The following GPC5 variants were observed in gnomAD, a reference collection of about 807,000 sequenced individuals.
GPC5 encodes the protein glypican 5.
In GPC5, 47 loss-of-function variants were observed where a neutral mutation model predicts 53.9. The observed-to-expected ratio is 0.87, with a 90% CI of 0.69 to 1.11. The LOEUF (loss-of-function observed/expected upper bound fraction) is 1.11, where lower values mean the gene tolerates loss of function less well. GPC5 is among the 50% of genes most tolerant of loss of function. The pLI is 0.00. For missense variants in GPC5, 748 were observed against 713.1 expected, an observed-to-expected ratio of 1.05 and a Z score of -0.56; for synonymous variants, 286 against 263.3, an observed-to-expected ratio of 1.09 and a Z score of -0.84.
At chr13:92,638,774 T>C (rs562127344) in intron 7 of GPC5, among the ~76,000 whole-genome samples, 4 of 152,286 alleles carry the variant, frequency 2.6e-5, no homozygotes, top group African/African-American at 9.6e-5. Flanking sequence ...AGGGGCAGAG[T>C]ACTCGTCAAC....
intron 7 of GPC5, among the ~76,000 whole-genome samples, chr13:92,279,906 TTC>T (rs1464353215): frequency 2.6e-5 from 4 of 152,150 alleles, no homozygotes; most frequent in Non-Finnish European, 5.9e-5. Context: ...ATCGGTCGAA[TTC>T]TGGCTTCATA....
intron 7 of GPC5, among the ~76,000 whole-genome samples, chr13:92,535,484 T>C (rs564254880): frequency 6.6e-6 from 1 of 152,102 alleles, no homozygotes; most frequent in South Asian, 2.1e-4. Flanking sequence ...AAACAGGAAC[T>C]AAGGGGGGGT....
intron 2 of GPC5, among the ~76,000 whole-genome samples, chr13:91,504,245 C>T (rs1884815850): frequency 6.6e-6 from 1 of 151,958 alleles, no homozygotes; most frequent in South Asian, 2.1e-4. Flanking sequence ...ATGTAAAGCA[C>T]AAAAGGGTAC....
At chr13:91,613,613 A>T (rs1477987420) in intron 2 of GPC5, among the ~76,000 whole-genome samples, 3 of 152,190 alleles carry the variant, frequency 2.0e-5, no homozygotes, top group Non-Finnish European at 4.4e-5. Context: ...AGATTTTTGG[A>T]AATATTTTAT....
chr13:92,016,438 G>T (rs1043609618), intron 6 of GPC5, among the ~76,000 whole-genome samples: 2 of 152,126 alleles, frequency 1.3e-5, no homozygotes, highest in African/African-American at 4.8e-5. Flanking sequence ...CCATGTTCTA[G>T]TGACCCTGTA....
At chr13:92,154,316 A>G (rs1404089803) in intron 7 of GPC5, among the ~76,000 whole-genome samples, 3 of 152,174 alleles carry the variant, frequency 2.0e-5, no homozygotes, top group Non-Finnish European at 4.4e-5. Context: ...ACATTTCAAC[A>G]TGAGATTCCA....
intron 7 of GPC5, among the ~76,000 whole-genome samples, chr13:92,770,312 A>T (rs1341760140): frequency 6.6e-6 from 1 of 151,142 alleles, no homozygotes; most frequent in Non-Finnish European, 1.5e-5. Flanking sequence ...TACTCAAGAG[A>T]CTGAGGTGGG....
intron 7 of GPC5, among the ~76,000 whole-genome samples, chr13:92,469,175 G>A (rs1246765239): frequency 6.6e-6 from 1 of 151,926 alleles, no homozygotes; most frequent in Admixed American, 6.6e-5. Flanking sequence ...AAACATCCAA[G>A]TAGGTTATCT....
intron 6 of GPC5, among the ~76,000 whole-genome samples, chr13:92,127,134 GTT>G (rs1692562557): frequency 6.6e-6 from 1 of 152,046 alleles, no homozygotes; most frequent in South Asian, 2.1e-4. Context: ...TTCTAGGAAA[GTT>G]TGAGGAAACA....
At chr13:92,848,225 GTATC>G (rs376099517) in intron 7 of GPC5, among the ~76,000 whole-genome samples, 4 of 152,026 alleles carry the variant, frequency 2.6e-5, no homozygotes, top group African/African-American at 9.7e-5. Flanking sequence ...TTGAATTTTT[GTATC>G]TATCCTGGGA....
intron 5 of GPC5, among the ~76,000 whole-genome samples, chr13:91,798,793 C>T (rs2038088414): frequency 6.6e-6 from 1 of 152,170 alleles, no homozygotes; most frequent in South Asian, 2.1e-4. Flanking sequence ...AATTGCCACA[C>T]TGTCTTCCAT....
chr13:92,849,694 G>A (rs897852742), intron 7 of GPC5, among the ~76,000 whole-genome samples: 1 of 152,138 alleles, frequency 6.6e-6, no homozygotes, highest in Admixed American at 6.5e-5. Flanking sequence ...TGAATGATAT[G>A]CATATGGGTT....
In GPC5 at chr13:92,118,645, G is replaced by GA. The variant is rs547975186; in HGVS notation, c.1402-26177dup. 3.7e-3 allele frequency among the ~76,000 whole-genome samples: 565 copies of GA among 151,820 alleles called. 4 individuals carry two copies. The highest frequency in any genetic ancestry group is 0.013 in the African/African-American group (528 of 41,438). Reference sequence around the variant, plus strand: ...TAGAAATTTTGCACACCATGGGTTAGAAAAAAAAGCCCATTAAACCCACCC... The same window carrying GA: ...TAGAAATTTTGCACACCATGGGTTAGAAAAAAAAAGCCCATTAAACCCACCC... On this transcript the variant is annotated intron_variant, in intron 6 of 7. Transcript: ENST00000377067.
intron 6 of GPC5, among the ~76,000 whole-genome samples, chr13:92,063,943 T>C (rs2041144401): frequency 6.6e-6 from 1 of 152,194 alleles, no homozygotes; most frequent in Non-Finnish European, 1.5e-5. Flanking sequence ...CAAGTGACAC[T>C]TTTGTTCAAA....
At chr13:92,157,771 C>T (rs181462415) in intron 7 of GPC5, among the ~76,000 whole-genome samples, 2 of 152,180 alleles carry the variant, frequency 1.3e-5, no homozygotes, top group Admixed American at 1.3e-4. Flanking sequence ...TTCCCCTCCC[C>T]TTTTCATATT....
intron 7 of GPC5, among the ~76,000 whole-genome samples, chr13:92,740,644 C>G (rs529351382): frequency 1.1e-4 from 17 of 151,942 alleles, no homozygotes; most frequent in Non-Finnish European, 1.9e-4. Flanking sequence ...ACCAGGAAGA[C>G]TTCTTCATGG....
chr13:92,605,063 G>A (rs557771623), intron 7 of GPC5, among the ~76,000 whole-genome samples: 2 of 152,116 alleles, frequency 1.3e-5, no homozygotes, highest in African/African-American at 2.4e-5. Flanking sequence ...GAACACACGT[G>A]AACACTATGC....
intron 4 of GPC5, among the ~76,000 whole-genome samples, chr13:91,736,732 A>T (rs1162291965): frequency 6.6e-6 from 1 of 151,324 alleles, no homozygotes; most frequent in East Asian, 1.9e-4. Flanking sequence ...TATCCTCAAT[A>T]GTGTTAAAAG....
intron 6 of GPC5, among the ~76,000 whole-genome samples, chr13:92,077,578 A>T (rs2041262145): frequency 6.6e-6 from 1 of 152,156 alleles, no homozygotes; most frequent in Non-Finnish European, 1.5e-5. Context: ...AGATGAAGGT[A>T]TCCAGTCATA....
Sources: allele counts gnomAD v4.1 joint callset (sites outside exome capture counted in the v4.1 genomes callset), GRCh38; gene constraint gnomAD v4.1.1; transcripts MANE v1.5; gene names NCBI Gene and HGNC (gene_info 2026-07-23, HGNC 2026-07-21).